Variants in STRN3 observed in about 807,000 individuals in gnomAD.
STRN3 encodes striatin-3.
Under a neutral mutation model 95.6 loss-of-function variants are expected in STRN3, and 29 were observed. The observed-to-expected ratio is 0.30, with a 90% CI of 0.23 to 0.41. The LOEUF (loss-of-function observed/expected upper bound fraction) is 0.41, where lower values mean the gene tolerates loss of function less well. Ranked by LOEUF, STRN3 falls within the 10% of genes least tolerant of loss-of-function variation. The pLI is 1.00. For missense variants in STRN3, 890 were observed against 972.1 expected (o/e 0.92, Z 1.12); for synonymous variants, 331 against 357.6 (o/e 0.93, Z 0.84).
rs145631713 is a variant in STRN3, at chr14:31,011,114, T to C, written c.282+14790A>G. 6.2e-4 allele frequency among the ~76,000 whole-genome samples: 95 copies of C among 152,224 alleles called. 1 individual carries two copies. The highest frequency in any genetic ancestry group is 2.1e-3 in the African/African-American group (89 of 41,548). Reference sequence around the variant, plus strand: ...CCCATGACAGGGAGGGGAGACAAAATTATAATCTAATAAAACCCAGAAAGT... The same window carrying C: ...CCCATGACAGGGAGGGGAGACAAAACTATAATCTAATAAAACCCAGAAAGT... On this transcript the variant is annotated intron_variant, in intron 1 of 17. Coordinates refer to ENST00000357479, the MANE Select transcript of STRN3 (RefSeq NM_001083893.2).
At chr14:30,903,552 C>T (rs1326415174) in intron 15 of STRN3, among the ~76,000 whole-genome samples, 3 of 152,120 alleles carry the variant, frequency 2.0e-5, no homozygotes, top group Non-Finnish European at 4.4e-5. Flanking sequence ...GCACACATCA[C>T]CATGCCCACC....
chr14:31,025,876 C>G, intron 1 of STRN3, 28 bp downstream of exon 1: 1 of 1,587,804 alleles, frequency 6.3e-7, no homozygotes, highest in Non-Finnish European at 8.6e-7. Flanking sequence ...GCCGCCGCAG[C>G]TCCCGCACAC....
At chr14:30,958,323 T>C (rs1269577435) in intron 1 of STRN3, among the ~76,000 whole-genome samples, 1 of 151,810 alleles carries the variant, frequency 6.6e-6, no homozygotes, top group Non-Finnish European at 1.5e-5. Flanking sequence ...AAAATAAAAA[T>C]AAAAATAAAC....
At chr14:30,959,485 G>A (rs1594497862) in intron 1 of STRN3, among the ~76,000 whole-genome samples, 2 of 151,900 alleles carry the variant, frequency 1.3e-5, no homozygotes, top group South Asian at 4.2e-4. Flanking sequence ...TGATTGAAAA[G>A]GTAAAGGTTA....
At chr14:31,025,235 C>A (rs1883749544) in intron 1 of STRN3, 1 of 152,252 alleles carries the variant, frequency 6.6e-6, no homozygotes, top group African/African-American at 2.4e-5. Flanking sequence ...GTGCTGAAAG[C>A]GTTGATGAGT....
chr14:30,927,129 C>A (rs1878219607), intron 8 of STRN3, among the ~76,000 whole-genome samples: 1 of 151,982 alleles, frequency 6.6e-6, no homozygotes, highest in Non-Finnish European at 1.5e-5. Flanking sequence ...TACAGAGAAA[C>A]CCCATCTCTA....
chr14:30,947,830 T>C (rs1340501058), intron 4 of STRN3, among the ~76,000 whole-genome samples: 3 of 152,144 alleles, frequency 2.0e-5, no homozygotes, highest in African/African-American at 7.2e-5. Context: ...GAACTTAACC[T>C]AGGATCTAAG....
chr14:30,937,256 G>T (rs1303800095), intron 5 of STRN3, among the ~76,000 whole-genome samples: 3 of 152,116 alleles, frequency 2.0e-5, no homozygotes, highest in Non-Finnish European at 4.4e-5. Context: ...TGAGGCTGCA[G>T]TGAGCTATGA....
At chr14:30,899,331 G>A (rs144749210) in intron 16 of STRN3, among the ~76,000 whole-genome samples, 15 of 152,220 alleles carry the variant, frequency 9.9e-5, no homozygotes, top group African/African-American at 3.6e-4. Flanking sequence ...GAAACCATGG[G>A]TCCTGAAGAT....
intron 1 of STRN3, among the ~76,000 whole-genome samples, chr14:30,967,009 A>C (rs1037921057): frequency 6.6e-6 from 1 of 151,538 alleles, no homozygotes; most frequent in African/African-American, 2.4e-5. Context: ...GCCTTCCGGG[A>C]CAGGCAAGGT....
chr14:30,902,499 C>T (rs1896350319), intron 16 of STRN3, 37 bp downstream of exon 16: 1 of 1,346,044 alleles, frequency 7.4e-7, no homozygotes, highest in South Asian at 1.3e-5. Context: ...CTCAAATTTA[C>T]AGTATTACTA....
chr14:30,942,508 G>C (rs1039735594), intron 5 of STRN3, among the ~76,000 whole-genome samples: 6 of 152,156 alleles, frequency 3.9e-5, no homozygotes, highest in African/African-American at 1.4e-4. Flanking sequence ...TTTTCTAGAG[G>C]AGGCCCACAA....
At chr14:30,989,028 C>G (rs547729089) in intron 1 of STRN3, among the ~76,000 whole-genome samples, 9 of 152,290 alleles carry the variant, frequency 5.9e-5, no homozygotes, top group African/African-American at 2.2e-4. Flanking sequence ...AGTCTACTGG[C>G]TTCCCAGGGT....
At position 30,894,799 on chromosome 14, in the gene STRN3, G is replaced by C; in HGVS notation, c.*612C>G. The stretch of plus-strand genomic sequence containing the variant: ...TACAATCTTGAGCACTGTTGTGACA[G>C]GCTAAATATATAAAAAGACTTATAA... On this transcript the variant is annotated 3_prime_UTR_variant, in exon 18 of 18. Coordinates refer to ENST00000357479, the MANE Select transcript of STRN3 (RefSeq NM_001083893.2). 1 of 308,820 alleles carries C rather than the reference G, an allele frequency of 3.2e-6. No homozygotes were observed. The highest frequency in any genetic ancestry group is 1.3e-3 in the Middle Eastern group (1 of 748). 19.1% of individuals were successfully genotyped at this position (308,820 alleles called of 1,614,324 possible).
At chr14:30,929,968 A>AAAAAAAAAAAAAAAAAAC (rs1878438058) in intron 7 of STRN3, among the ~76,000 whole-genome samples, 1 of 121,836 alleles carries the variant, frequency 8.2e-6, no homozygotes, top group African/African-American at 2.8e-5. Flanking sequence ...AAAAAAAAAA[A>AAAAAAAAAAAAAAAAAAC]AAAAAAAAAA....
chr14:30,996,710 A>G (rs572604597), intron 1 of STRN3, among the ~76,000 whole-genome samples: 13 of 152,158 alleles, frequency 8.5e-5, no homozygotes, highest in Non-Finnish European at 1.6e-4. Context: ...TACTAAAAAT[A>G]CAAAAATTAG....
intron 8 of STRN3, among the ~76,000 whole-genome samples, chr14:30,923,765 A>C: frequency 6.6e-6 from 1 of 152,190 alleles, no homozygotes; most frequent in East Asian, 1.9e-4. Flanking sequence ...ACATTATTAT[A>C]ATCCACAGTT....
intron 1 of STRN3, among the ~76,000 whole-genome samples, chr14:30,982,369 G>A (rs1039890046): frequency 5.9e-5 from 9 of 152,240 alleles, no homozygotes; most frequent in South Asian, 2.1e-4. Flanking sequence ...GCACAGTGGC[G>A]CAATCTCAGC....
chr14:30,894,893 CTTTTTTTTT>C lies in STRN3; in HGVS notation c.*509_*517del, dbSNP rs34255465. On this transcript the variant is annotated 3_prime_UTR_variant, in exon 18 of 18. Transcript: ENST00000357479. ...ATATTTTAAGTTAAATTTTCTTTTT[CTTTTTTTTT>C]TTTTTTAAAGCAAAATAAGTTTAAA... The C allele has an allele frequency of 1.4e-6, 1 of 708,550 alleles. No homozygotes were observed. Among genetic ancestry groups the C allele is most frequent in the Middle Eastern group, 4.6e-4 (1 of 2,178 alleles). 43.9% of individuals were successfully genotyped at this position (708,550 alleles called of 1,614,324 possible). A position where few individuals can be genotyped will look rare whatever the true frequency, so the allele number is the denominator to read the frequency against.
Sources: allele counts gnomAD v4.1 joint callset (sites outside exome capture counted in the v4.1 genomes callset), GRCh38; gene constraint gnomAD v4.1.1; transcripts MANE v1.5; gene names NCBI Gene and HGNC (gene_info 2026-07-23, HGNC 2026-07-21).